The following TDRD12 variants were observed in gnomAD, a reference collection of about 807,000 sequenced individuals.
TDRD12 encodes the protein putative ATP-dependent RNA helicase TDRD12.
Under a neutral mutation model 133.5 loss-of-function variants are expected in TDRD12, and 158 were observed. That is an observed-to-expected ratio of 1.18 (90% CI 1.04 to 1.35). The LOEUF is 1.35. Ranked by LOEUF, TDRD12 falls within the 40% of genes most tolerant of loss-of-function variation. The pLI, the probability that TDRD12 is intolerant of heterozygous loss-of-function variation, is 0.00. For missense variants in TDRD12, 1,443 were observed against 1,321.3 expected (o/e 1.09, Z -1.43); for synonymous variants, 460 against 477.9 (o/e 0.96, Z 0.49).
chr19:32,813,269 C>G (rs1599621155), intron 24 of TDRD12, among the ~76,000 whole-genome samples: 1 of 152,334 alleles, frequency 6.6e-6, no homozygotes, highest in East Asian at 1.9e-4. Flanking sequence ...TGCAAGGCAG[C>G]TCCATTGCAG....
rs530550514 is a variant in TDRD12 at position 32,763,212 on chromosome 19, C to T, written c.865+6082C>T. 8.2e-4 allele frequency among the ~76,000 whole-genome samples: 124 copies of T among 152,074 alleles called. 1 individual carries two copies. Among genetic ancestry groups the T allele is most frequent in the Admixed American group, 1.4e-3 (22 of 15,268 alleles). On this transcript the variant is annotated intron_variant, in intron 8 of 27. Transcript: ENST00000444215. ...ATTTATTGCCCTTGTTTTTTTGTTC[C>T]TCTTTTGACTTTGCTCTTTTTCTAC...
intron 1 of TDRD12, among the ~76,000 whole-genome samples, chr19:32,725,780 C>T (rs1344222941): frequency 1.3e-5 from 2 of 152,110 alleles, no homozygotes; most frequent in African/African-American, 2.4e-5. Context: ...ATGGAAATAG[C>T]ATTGAATCTA....
chr19:32,765,503 T>C (rs534835413), intron 8 of TDRD12, among the ~76,000 whole-genome samples: 1,651 of 152,140 alleles, frequency 0.011, 38 homozygotes, highest in African/African-American at 0.038. Context: ...TGTCCAAAAA[T>C]GATAGACTGG....
chr19:32,791,041 G>A lies in TDRD12; in HGVS notation c.1260G>A (p.Ser420=), dbSNP rs749797648. The A allele has an allele frequency of 1.2e-4, 184 of 1,536,158 alleles. 2 individuals are homozygous for A. In the South Asian group the frequency reaches 2.0e-3, roughly 16 times the overall value. Residue 420 remains serine (S), a synonymous_variant, in exon 13 of 28, where the codon TCG becomes TCA. Coordinates refer to ENST00000444215, the Ensembl canonical transcript of TDRD12. ...TCAAGCCCTGCTTAACCATTGACTC[G>A]TCGCCGCTGTCAGCAGACCTGAAGA...
downstream of TDRD12, among the ~76,000 whole-genome samples, chr19:32,821,699 T>C (rs1454332451): frequency 6.6e-6 from 1 of 152,228 alleles, no homozygotes; most frequent in Admixed American, 6.5e-5. Context: ...TTCTTGTGGC[T>C]TCCTTCAGTC....
At chr19:32,794,183 G>A (rs567327451) in intron 13 of TDRD12, among the ~76,000 whole-genome samples, 14 of 127,212 alleles carry the variant, frequency 1.1e-4, no homozygotes, top group South Asian at 2.7e-4. Context: ...TTGGCTTACC[G>A]CATCCTCTGC....
intron 1 of TDRD12, among the ~76,000 whole-genome samples, chr19:32,728,879 C>G (rs1314506770): frequency 6.7e-6 from 1 of 149,646 alleles, no homozygotes; most frequent in African/African-American, 2.5e-5. Context: ...GATCTCCTAA[C>G]CTTGTGATCC....
chr19:32,754,669 CTTTTTTTTTTT>C (rs35714049), intron 6 of TDRD12, among the ~76,000 whole-genome samples: 1 of 70,072 alleles, frequency 1.4e-5, no homozygotes, highest in African/African-American at 6.1e-5. Flanking sequence ...ATGACTCTAT[CTTTTTTTTTTT>C]TTTTTTTTTT....
intron 8 of TDRD12, among the ~76,000 whole-genome samples, chr19:32,768,489 C>A (rs1433963645): frequency 1.3e-5 from 2 of 151,614 alleles, no homozygotes; most frequent in African/African-American, 4.9e-5. Context: ...ACCTCAGCCT[C>A]CCGAGTTGCA....
rs568479860 is a variant in TDRD12, at chr19:32,801,467, A to G, written c.2080-289A>G. Among the ~76,000 whole-genome samples the G allele has an allele frequency of 5.8e-3, 882 of 152,222 alleles. 8 individuals are homozygous for G. The highest frequency in any genetic ancestry group is 0.02 in the African/African-American group (828 of 41,538). ...AGCTGATGTGTCTGTGTGTGTGTGT[A>G]TGTGTGTTTATACACACACACAAGT... On this transcript the variant is annotated intron_variant, in intron 18 of 27. Transcript: ENST00000444215.
At chr19:32,749,682 C>T (rs1969764861) in intron 5 of TDRD12, 102 bp from the exon 6 acceptor site, 1 of 865,994 alleles carries the variant, frequency 1.2e-6, no homozygotes, top group Admixed American at 2.5e-5. Flanking sequence ...CATTTGGGCA[C>T]TCTTAAGTGG....
rs1316918041 is a variant in TDRD12, at chr19:32,826,349, C to T, written c.888C>T (p.Val296=). 5.3e-6 allele frequency: 7 copies of T among 1,312,518 alleles called. No homozygotes were observed. In the East Asian group the frequency reaches 1.3e-4, roughly 25 times the overall value. The allele number at this position is 1,312,518 out of a possible 1,614,324, so 81.3% of individuals were successfully genotyped here. A position where few individuals can be genotyped will look rare whatever the true frequency, so the allele number is the denominator to read the frequency against. Residue 296 remains valine (V), a synonymous_variant, in exon 8 of 10, where the codon GTC becomes GTT. Coordinates refer to the TDRD12 transcript ENST00000637289. ...AGTGTCAGTATTTAAGGGATAGAGTCGTTTTCAGGTAGGTTTATGTATAGT... is the reference window on the plus strand; with the variant it reads ...AGTGTCAGTATTTAAGGGATAGAGTTGTTTTCAGGTAGGTTTATGTATAGT...
intron 26 of TDRD12, among the ~76,000 whole-genome samples, chr19:32,816,151 T>C (rs953268425): frequency 6.6e-6 from 1 of 152,204 alleles, no homozygotes; most frequent in Non-Finnish European, 1.5e-5. Context: ...TCAAATATAG[T>C]ATTTTACCTG....
At chr19:32,805,584 T>C (rs1971523975) in intron 21 of TDRD12, among the ~76,000 whole-genome samples, 1 of 152,138 alleles carries the variant, frequency 6.6e-6, no homozygotes, top group African/African-American at 2.4e-5. Context: ...TACTTTGGCC[T>C]ATTGGTCTAA....
chr19:32,742,018 A>G (rs963539037), intron 3 of TDRD12, among the ~76,000 whole-genome samples: 1 of 152,220 alleles, frequency 6.6e-6, no homozygotes, highest in Admixed American at 6.5e-5. Flanking sequence ...TAATTATTAA[A>G]CCATCTGTTC....
intron 8 of TDRD12, among the ~76,000 whole-genome samples, chr19:32,758,281 A>G (rs935666679): frequency 1.3e-5 from 2 of 152,156 alleles, no homozygotes; most frequent in Admixed American, 6.6e-5. Context: ...GGCACTTTTT[A>G]TGGACTCAGA....
chr19:32,738,962 T>A, exon 3 of TDRD12: 1 of 1,550,882 alleles, frequency 6.4e-7, no homozygotes. Flanking sequence ...CTTGTGGACT[T>A]TGCCAAGAAC....
rs1329714030 is a variant in TDRD12, at chr19:32,810,154, T to C, written c.2714T>C (p.Met905Thr). The change falls in exon 23 of 28, where the codon ATG becomes ACG. Residue 905 changes from methionine to threonine, a missense_variant. Transcript: ENST00000444215. Reference sequence around the variant, plus strand: ...TTTGGCCGTATAGTTGATAAACACATGGATCTTTATGCAACTCTCAATGCT... The same window carrying C: ...TTTGGCCGTATAGTTGATAAACACACGGATCTTTATGCAACTCTCAATGCT... 2.0e-6 allele frequency: 3 copies of C among 1,534,972 alleles called. No homozygotes were observed. In the African/African-American group the frequency reaches 4.1e-5, roughly 21 times the overall value.
rs1968576011 is a variant in TDRD12 at position 32,720,114 on chromosome 19, A to C, written c.24+18A>C. ...TGCTGAAGGTGAGCGCCGCCAAGCCAGACCCACGCCAGACCCACGCAGTCC... is the reference window on the plus strand; with the variant it reads ...TGCTGAAGGTGAGCGCCGCCAAGCCCGACCCACGCCAGACCCACGCAGTCC... On this transcript the variant is annotated intron_variant, in intron 1 of 27. Transcript: ENST00000444215. 6.5e-7 allele frequency: 1 copy of C among 1,545,418 alleles called. No homozygotes were observed. Among genetic ancestry groups the C allele is most frequent in the Non-Finnish European group, 8.7e-7 (1 of 1,144,896 alleles).
Sources: gnomAD v4.1 joint callset for allele counts (sites outside exome capture counted in the v4.1 genomes callset) on GRCh38, gnomAD v4.1.1 for gene constraint, MANE v1.5 for transcripts, NCBI Gene and HGNC (gene_info 2026-07-23, HGNC 2026-07-21) for gene names.